TTC23L: variants seen among roughly 807,000 people sequenced by gnomAD.
The protein encoded by TTC23L is tetratricopeptide repeat protein 23-like.
A neutral mutation model predicts 48.1 loss-of-function variants in TTC23L; 42 were observed. The ratio of observed to expected loss-of-function variants is 0.87; its 90% CI spans 0.68 to 1.13. The LOEUF (loss-of-function observed/expected upper bound fraction) is 1.13, where lower values mean the gene tolerates loss of function less well. Among genes scored for constraint, TTC23L ranks in the 50% most tolerant of loss-of-function variants. TTC23L has a pLI of 0.00. For missense variants in TTC23L, 391 were observed against 421.0 expected (o/e 0.93, Z 0.62); for synonymous variants, 159 against 157.2 (o/e 1.01, Z -0.09).
chr5:34,868,839 C>T, intron 7 of TTC23L, 66 bp from the exon 8 acceptor site: 2 of 1,406,160 alleles, frequency 1.4e-6, no homozygotes, highest in Non-Finnish European at 2.0e-6. Context: ...AAACTCACCT[C>T]TCATCTAAAT....
Position 34,871,360 on chromosome 5 carries a change from T to G in TTC23L, c.949+2347T>G, listed in dbSNP as rs548839564. 1.5e-4 allele frequency among the ~76,000 whole-genome samples: 23 copies of G among 152,262 alleles called. No homozygotes were observed. The South Asian group carries it at 4.6e-3, about 30-fold the overall frequency. On this transcript the variant is annotated intron_variant, in intron 8 of 10. Transcript: ENST00000505624. ...ATTTAGGTATAAATCTATCAAAATA[T>G]GTACAGTATTTATGTGCTGAAAACT...
chr5:34,915,230 A>G, the TTC23L span: 1 of 316,538 alleles, frequency 3.2e-6, no homozygotes, highest in South Asian at 4.8e-5. Flanking sequence ...GGAGCTACAA[A>G]TCCGCGGGGA....
chr5:34,896,818 A>G (rs374643203), exon 10 of TTC23L: 379 of 749,868 alleles, frequency 5.1e-4, no homozygotes, highest in Non-Finnish European at 8.3e-4. Flanking sequence ...TTCCTGGAAG[A>G]AGGAACTCTA....
At chr5:34,842,434 T>G (rs1377997786) in intron 2 of TTC23L, among the ~76,000 whole-genome samples, 1 of 151,774 alleles carries the variant, frequency 6.6e-6, no homozygotes, top group African/African-American at 2.4e-5. Context: ...CAATCCCTGG[T>G]GGACTGAACA....
At chr5:34,916,185 G>GTTT in the TTC23L span, 8 of 228,038 alleles carry the variant, frequency 3.5e-5, no homozygotes, top group Middle Eastern at 1.3e-3. Context: ...TTGTTCAGTT[G>GTTT]TTTTTTTTTT....
intron 2 of TTC23L, among the ~76,000 whole-genome samples, chr5:34,844,443 G>A (rs1387646173): frequency 3.5e-4 from 5 of 14,344 alleles, no homozygotes; most frequent in Admixed American, 1.5e-3. Context: ...AGCAGCAGCA[G>A]CAAAAAAAAA....
the TTC23L span, chr5:34,908,824 T>A: frequency 6.2e-7 from 1 of 1,612,910 alleles, no homozygotes; most frequent in Non-Finnish European, 8.5e-7. Flanking sequence ...ACAAAACATA[T>A]TTGTCCATCT....
chr5:34,857,655 A>G (rs1760236643), intron 4 of TTC23L, among the ~76,000 whole-genome samples: 1 of 151,452 alleles, frequency 6.6e-6, no homozygotes, highest in Admixed American at 6.6e-5. Flanking sequence ...TAATAATAAT[A>G]ATAATGGCTA....
chr5:34,908,691 C>T, the TTC23L span: 1 of 1,319,808 alleles, frequency 7.6e-7, no homozygotes. Flanking sequence ...TATGAAATGA[C>T]AAAGAGTACT....
At position 34,846,657 on chromosome 5, in the gene TTC23L, ATATGTGTG is replaced by A. The variant is rs1259578729; in HGVS notation, c.255+994_255+1001del. 2.2e-3 allele frequency among the ~76,000 whole-genome samples: 217 copies of A among 100,264 alleles called. 1 individual carries two copies. The highest frequency in any genetic ancestry group is 7.3e-3 in the African/African-American group (206 of 28,072). 65.8% of individuals were successfully genotyped at this position (100,264 alleles called of 152,430 possible). On this transcript the variant is annotated intron_variant, in intron 3 of 10. Coordinates refer to ENST00000505624, the Ensembl canonical transcript of TTC23L. ...TATATACGTATATATACAAATACAT[ATATGTGTG>A]TATGTGTGTGTGTGTGTGTGTGTGT... is the stretch of plus-strand genomic sequence containing the variant.
At chr5:34,893,111 G>A (rs963406948) in intron 9 of TTC23L, among the ~76,000 whole-genome samples, 1 of 152,178 alleles carries the variant, frequency 6.6e-6, no homozygotes, top group Non-Finnish European at 1.5e-5. Flanking sequence ...GCCGTAGTAG[G>A]AAGAACGTGT....
chr5:34,858,443 G>A lies in TTC23L; in HGVS notation c.380-4455G>A, dbSNP rs905499123. Among the ~76,000 whole-genome samples the A allele has an allele frequency of 7.2e-5, 11 of 152,172 alleles. No homozygotes were observed. The East Asian group carries it at 9.7e-4, about 13-fold the overall frequency. On this transcript the variant is annotated intron_variant, in intron 4 of 10. Transcript: ENST00000505624. Reference sequence around the variant, plus strand: ...GCTATGAAAATAATTATCACAAGTGGAGGAAGCCTTGTGGTTTTTTTAAAA... The same window carrying A: ...GCTATGAAAATAATTATCACAAGTGAAGGAAGCCTTGTGGTTTTTTTAAAA...
intron 9 of TTC23L, among the ~76,000 whole-genome samples, chr5:34,891,846 G>T (rs551213930): frequency 6.6e-6 from 1 of 152,156 alleles, no homozygotes; most frequent in South Asian, 2.1e-4. Flanking sequence ...TTCATAGAAG[G>T]AGGAAAAATT....
chr5:34,884,523 T>C lies in TTC23L; in HGVS notation c.1077+4215T>C, dbSNP rs532957099. ...TATGTAGAAAACCCTAATGATCACA[T>C]ACACACACACACACACACACAAACA... On this transcript the variant is annotated intron_variant, in intron 9 of 10. Transcript: ENST00000505624. Among the ~76,000 whole-genome samples, 241 of 148,734 alleles carry C rather than the reference T, an allele frequency of 1.6e-3. 2 individuals are homozygous for C. The East Asian group carries it at 0.026, about 16-fold the overall frequency.
chr5:34,844,444 C>CAA (rs10675653), intron 2 of TTC23L, among the ~76,000 whole-genome samples: 1,557 of 122,696 alleles, frequency 0.013, 53 homozygotes, highest in African/African-American at 0.018. Context: ...GCAGCAGCAG[C>CAA]AAAAAAAAAA....
At chr5:34,884,885 ATGT>A (rs1337219811) in intron 9 of TTC23L, among the ~76,000 whole-genome samples, 2 of 152,306 alleles carry the variant, frequency 1.3e-5, no homozygotes, top group African/African-American at 4.8e-5. Context: ...CATCCCTTTT[ATGT>A]TTGTTGTTCT....
At chr5:34,897,598 C>T (rs987724254) in intron 10 of TTC23L, among the ~76,000 whole-genome samples, 1 of 152,146 alleles carries the variant, frequency 6.6e-6, no homozygotes, top group Admixed American at 6.5e-5. Flanking sequence ...CCTGGGATTA[C>T]AGGCATGAAC....
At chr5:34,919,087 CAAAATA>C in the TTC23L span, 9 of 132,888 alleles carry the variant, frequency 6.8e-5, no homozygotes, top group African/African-American at 2.5e-4. Context: ...CCTGTCTCTA[CAAAATA>C]AAAAAAAAAA....
the TTC23L span, chr5:34,908,171 C>CTTTTTTTTT: frequency 2.4e-5 from 3 of 127,216 alleles, no homozygotes; most frequent in African/African-American, 8.8e-5. Flanking sequence ...AGCCTTTAGA[C>CTTTTTTTTT]TTTTTTTTTT....
Sources: gnomAD v4.1 joint callset for allele counts (sites outside exome capture counted in the v4.1 genomes callset) on GRCh38, gnomAD v4.1.1 for gene constraint, MANE v1.5 for transcripts, NCBI Gene and HGNC (gene_info 2026-07-23, HGNC 2026-07-21) for gene names.